SESTD1: variants seen among roughly 807,000 people sequenced by gnomAD.
The protein encoded by SESTD1 is SEC14 domain and spectrin repeat-containing protein 1.
In SESTD1, 43 loss-of-function variants were observed where a neutral mutation model predicts 101.7. The ratio of observed to expected loss-of-function variants is 0.42; its 90% CI spans 0.33 to 0.55. SESTD1 has a LOEUF of 0.55. SESTD1 is among the 20% of genes least tolerant of loss of function. The pLI is 0.07. For synonymous variants in SESTD1, 283 were observed against 286.8 expected (o/e 0.99, Z 0.13); for missense variants, 647 against 815.1 (o/e 0.79, Z 2.51).
intron 9 of SESTD1, among the ~76,000 whole-genome samples, chr2:179,135,650 G>A (rs1480730406): frequency 6.6e-6 from 1 of 152,170 alleles, no homozygotes; most frequent in African/African-American, 2.4e-5. Context: ...CTGCTCAGGA[G>A]GCTGAGATTG....
Position 179,200,514 on chromosome 2 carries a change from T to G in SESTD1, c.-25-8648A>C, listed in dbSNP as rs955141488. Reference sequence around the variant, plus strand: ...GCTGGAGGCATCACATTACCTGACTTTAAACTATACTACAAGGCTACAGTA... The same window carrying G: ...GCTGGAGGCATCACATTACCTGACTGTAAACTATACTACAAGGCTACAGTA... On this transcript the variant is annotated intron_variant, in intron 1 of 17. Coordinates refer to ENST00000428443, the MANE Select transcript of SESTD1 (RefSeq NM_178123.5). Among the ~76,000 whole-genome samples, 145 of 152,142 alleles carry G rather than the reference T, an allele frequency of 9.5e-4. 1 individual carries two copies. The highest frequency in any genetic ancestry group is 3.2e-3 in the African/African-American group (132 of 41,454).
At chr2:179,230,113 CTTT>C (rs71023474) in intron 1 of SESTD1, among the ~76,000 whole-genome samples, 52 of 56,376 alleles carry the variant, frequency 9.2e-4, no homozygotes, top group South Asian at 3.2e-3. Flanking sequence ...GATTGTATCT[CTTT>C]TTTTTTTTTT....
In SESTD1 at chr2:179,196,115, G is replaced by A. The variant is rs144425252; in HGVS notation, c.-25-4249C>T. On this transcript the variant is annotated intron_variant, in intron 1 of 17. Transcript: ENST00000428443. Reference sequence around the variant, plus strand: ...TGGGTGCACGCACCATGTGCAAAACGAAGCAGGGCGAGGCATTGCCTCACG... The same window carrying A: ...TGGGTGCACGCACCATGTGCAAAACAAAGCAGGGCGAGGCATTGCCTCACG... 5.4e-3 allele frequency among the ~76,000 whole-genome samples: 822 copies of A among 152,350 alleles called. 9 individuals are homozygous for A. The highest frequency in any genetic ancestry group is 0.019 in the African/African-American group (776 of 41,578).
At chr2:179,236,252 C>T (rs950999801) in intron 1 of SESTD1, among the ~76,000 whole-genome samples, 1 of 145,534 alleles carries the variant, frequency 6.9e-6, no homozygotes, top group Admixed American at 7.2e-5. Flanking sequence ...CTTTGGGAAG[C>T]TAAGACAGGA....
At position 179,116,741 on chromosome 2, in the gene SESTD1, A is replaced by T; in HGVS notation, c.1574T>A (p.Ile525Asn). The change falls in exon 15 of 18, where the codon ATC becomes AAC. Residue 525 changes from isoleucine (I) to asparagine (N), a missense_variant. Ile to Asn is a moderately radical substitution (Grantham distance 149). Coordinates refer to ENST00000428443, the MANE Select transcript of SESTD1 (RefSeq NM_178123.5). ...ELLDALLKTH[I>N]RLGDDAQETK... ...TTCTTGAGCATCATCGCCCAATCTG[A>T]TGTGAGTCTTAAGCAGAGCATCCAG... 1 of 1,614,146 alleles carries T rather than the reference A, an allele frequency of 6.2e-7. No individual in the cohort carries two copies. Among genetic ancestry groups the T allele is most frequent in the Non-Finnish European group, 8.5e-7 (1 of 1,180,014 alleles).
At chr2:179,188,827 G>A (rs949686849) in intron 2 of SESTD1, among the ~76,000 whole-genome samples, 1 of 152,112 alleles carries the variant, frequency 6.6e-6, no homozygotes, top group Non-Finnish European at 1.5e-5. Context: ...AGAAACTCTA[G>A]AGAAATGGAT....
chr2:179,236,505 A>G (rs562714015), intron 1 of SESTD1, among the ~76,000 whole-genome samples: 1 of 152,134 alleles, frequency 6.6e-6, no homozygotes, highest in Admixed American at 6.6e-5. Flanking sequence ...TCTAAAAAGT[A>G]ATTTTTTTAA....
intron 7 of SESTD1, among the ~76,000 whole-genome samples, chr2:179,147,365 GTTTT>G (rs113504437): frequency 7.1e-6 from 1 of 141,172 alleles, no homozygotes; most frequent in African/African-American, 2.6e-5. Flanking sequence ...TTGTTTTTTT[GTTTT>G]TTTTTTTTTT....
rs930990153 is a variant in SESTD1, at chr2:179,204,453, G to A, written c.-25-12587C>T. The stretch of plus-strand genomic sequence containing the variant: ...AACCCATACCTTATAGCTTAACAAC[G>A]TAGAGCCAATCACTAATCAATGTTA... On this transcript the variant is annotated intron_variant, in intron 1 of 17. Coordinates refer to ENST00000428443, the MANE Select transcript of SESTD1 (RefSeq NM_178123.5). Among the ~76,000 whole-genome samples, 7 of 134,104 alleles carry A rather than the reference G, an allele frequency of 5.2e-5. 1 individual carries two copies. The highest frequency in any genetic ancestry group is 2.9e-4 in the South Asian group (1 of 3,426). 88.0% of individuals were successfully genotyped at this position (134,104 alleles called of 152,430 possible). A position where few individuals can be genotyped will look rare whatever the true frequency, so the allele number is the denominator to read the frequency against.
At chr2:179,240,743 T>C (rs2047140002) in intron 1 of SESTD1, among the ~76,000 whole-genome samples, 1 of 152,130 alleles carries the variant, frequency 6.6e-6, no homozygotes, top group Non-Finnish European at 1.5e-5. Flanking sequence ...CTTGAAAGTC[T>C]GTAAGGAGGC....
Position 179,104,560 on chromosome 2 carries a change from C to T in SESTD1, c.*5339G>A, listed in dbSNP as rs918290810. ...CTCCCCCAAGACAGAAGCATTTGGA[C>T]ACCCTAAAGACATGGTATTCAGCTT... On this transcript the variant is annotated 3_prime_UTR_variant, in exon 18 of 18. Coordinates refer to ENST00000428443, the MANE Select transcript of SESTD1 (RefSeq NM_178123.5). The T allele has an allele frequency of 1.3e-5, 2 of 152,158 alleles. No individual in the cohort carries two copies. The highest frequency in any genetic ancestry group is 2.4e-5 in the African/African-American group (1 of 41,428). The allele number at this position is 152,158 out of a possible 1,614,324, so 9.4% of individuals were successfully genotyped here. A position where few individuals can be genotyped will look rare whatever the true frequency, so the allele number is the denominator to read the frequency against.
chr2:179,214,033 T>A (rs1183253892), intron 1 of SESTD1, among the ~76,000 whole-genome samples: 1 of 134,618 alleles, frequency 7.4e-6, no homozygotes, highest in Admixed American at 7.2e-5. Flanking sequence ...AACGTGCCAA[T>A]GTGTAAAGAC....
intron 10 of SESTD1, among the ~76,000 whole-genome samples, chr2:179,130,653 TGTCTTTA>T (rs1340465613): frequency 2.6e-5 from 4 of 152,210 alleles, no homozygotes; most frequent in Non-Finnish European, 4.4e-5. Flanking sequence ...AGATAAATCC[TGTCTTTA>T]GAATCCTCAT....
In SESTD1 at chr2:179,104,843, TCTGG is replaced by T. The variant is rs1259633366; in HGVS notation, c.*5052_*5055del. The T allele has an allele frequency of 2.0e-5, 3 of 152,174 alleles. No homozygotes were observed. The highest frequency in any genetic ancestry group is 4.4e-5 in the Non-Finnish European group (3 of 68,024). The allele number at this position is 152,174 out of a possible 1,614,324, so 9.4% of individuals were successfully genotyped here. ...TGCTTTCAAAATATTTCATCATAGT[TCTGG>T]CTGTCTTTTGATCTCTAAGTTCTTC... On this transcript the variant is annotated 3_prime_UTR_variant, in exon 18 of 18. Coordinates refer to ENST00000428443, the MANE Select transcript of SESTD1 (RefSeq NM_178123.5).
chr2:179,199,602 C>T, intron 1 of SESTD1, among the ~76,000 whole-genome samples: 1 of 152,048 alleles, frequency 6.6e-6, no homozygotes, highest in South Asian at 2.1e-4. Flanking sequence ...AAAAGCTTAT[C>T]CACCATGATC....
intron 1 of SESTD1, among the ~76,000 whole-genome samples, chr2:179,256,956 A>C (rs1472543376): frequency 2.0e-5 from 3 of 152,184 alleles, no homozygotes; most frequent in Admixed American, 2.0e-4. Flanking sequence ...AATGTTACAT[A>C]AACTTAGTTG....
At position 179,174,736 on chromosome 2, in the gene SESTD1, G is replaced by A. The variant is rs187471841; in HGVS notation, c.255+1712C>T. On this transcript the variant is annotated intron_variant, in intron 4 of 17. Coordinates refer to ENST00000428443, the MANE Select transcript of SESTD1 (RefSeq NM_178123.5). Reference sequence around the variant, plus strand: ...AGCGATTTGGGAGGCTGAAGCAGAAGGATCACCTGAGCTCAGGAGTTTGAG... The same window carrying A: ...AGCGATTTGGGAGGCTGAAGCAGAAAGATCACCTGAGCTCAGGAGTTTGAG... 1.1e-3 allele frequency among the ~76,000 whole-genome samples: 163 copies of A among 152,230 alleles called. 2 individuals carry two copies. Among genetic ancestry groups the A allele is most frequent in the Admixed American group, 2.5e-3 (38 of 15,276 alleles).
intron 8 of SESTD1, among the ~76,000 whole-genome samples, chr2:179,144,427 G>A (rs919867341): frequency 1.3e-5 from 2 of 151,728 alleles, no homozygotes; most frequent in East Asian, 1.9e-4. Flanking sequence ...GAATAATAAC[G>A]GGCCATACTA....
At chr2:179,149,443 T>C (rs775654158) in intron 6 of SESTD1, 49 bp from the exon 7 acceptor site, 23 of 1,258,616 alleles carry the variant, frequency 1.8e-5, no homozygotes, top group Non-Finnish European at 2.1e-5. Flanking sequence ...TAAAAATTAA[T>C]ATGTAATAAG....
Sources: gnomAD v4.1 joint callset for allele counts (sites outside exome capture counted in the v4.1 genomes callset) on GRCh38, gnomAD v4.1.1 for gene constraint, MANE v1.5 for transcripts, NCBI Gene and HGNC (gene_info 2026-07-23, HGNC 2026-07-21) for gene names.